Variants in NAA11 observed in about 807,000 individuals in gnomAD.
The protein encoded by NAA11 is N-alpha-acetyltransferase 11.
Under a neutral mutation model 16.1 loss-of-function variants are expected in NAA11, and 15 were observed. The observed-to-expected ratio is 0.93, with a 90% CI of 0.62 to 1.44. The LOEUF (loss-of-function observed/expected upper bound fraction) is 1.44. Ranked by LOEUF, NAA11 falls within the 40% of genes most tolerant of loss-of-function variation. The probability of loss-of-function intolerance (pLI) is 0.00; values close to 1 mark genes in which losing one functional copy is unlikely to be tolerated. For missense variants in NAA11, 298 were observed against 291.3 expected (o/e 1.02, Z -0.17); for synonymous variants, 122 against 112.4 (o/e 1.09, Z -0.54).
intron 2 of NAA11, among the ~76,000 whole-genome samples, chr4:79,235,693 A>G (rs1403309958): frequency 6.6e-6 from 1 of 152,084 alleles, no homozygotes; most frequent in Non-Finnish European, 1.5e-5. Flanking sequence ...TGTTTGGAAA[A>G]CCTTAAGTGT....
At chr4:79,177,140 G>A in the NAA11 span, among the ~76,000 whole-genome samples, 1 of 151,404 alleles carries the variant, frequency 6.6e-6, no homozygotes, top group East Asian at 1.9e-4. Flanking sequence ...GTATATGTGT[G>A]TGTCTGTGTG....
chr4:79,261,860 C>A (rs564941143), intron 2 of NAA11, among the ~76,000 whole-genome samples: 1 of 152,224 alleles, frequency 6.6e-6, no homozygotes, highest in African/African-American at 2.4e-5. Flanking sequence ...TTATATACTC[C>A]TTTTGAAGAG....
chr4:79,287,659 A>ATG (rs1722972582), intron 2 of NAA11, among the ~76,000 whole-genome samples: 1 of 151,392 alleles, frequency 6.6e-6, no homozygotes, highest in African/African-American at 2.4e-5. Flanking sequence ...AATGACTGGC[A>ATG]TGTGTGTGTG....
At chr4:79,248,870 G>A (rs1003219255) in intron 2 of NAA11, among the ~76,000 whole-genome samples, 4 of 152,110 alleles carry the variant, frequency 2.6e-5, no homozygotes, top group Non-Finnish European at 4.4e-5. Flanking sequence ...CATGCACTCC[G>A]CCATGCTGCC....
the NAA11 span, among the ~76,000 whole-genome samples, chr4:79,157,828 C>A: frequency 6.6e-6 from 1 of 151,538 alleles, no homozygotes; most frequent in African/African-American, 2.4e-5. Flanking sequence ...CCAGAGCAAT[C>A]ACACAAGAGA....
At chr4:79,165,806 C>T in the NAA11 span, among the ~76,000 whole-genome samples, 1 of 152,116 alleles carries the variant, frequency 6.6e-6, no homozygotes, top group Non-Finnish European at 1.5e-5. Flanking sequence ...ATTGACTTGG[C>T]TGTGATTTTA....
At chr4:79,220,408 A>G in the NAA11 span, among the ~76,000 whole-genome samples, 3 of 150,078 alleles carry the variant, frequency 2.0e-5, no homozygotes, top group East Asian at 2.0e-4. Context: ...TGACTTTTCA[A>G]TGGAATAGGT....
chr4:79,314,266 AC>A (rs1414316075), downstream of NAA11, among the ~76,000 whole-genome samples: 1 of 152,214 alleles, frequency 6.6e-6, no homozygotes, highest in Non-Finnish European at 1.5e-5. Flanking sequence ...TTTATAATAA[AC>A]AAAATTTTGT....
chr4:79,208,020 G>T, the NAA11 span, among the ~76,000 whole-genome samples: 1 of 152,032 alleles, frequency 6.6e-6, no homozygotes, highest in African/African-American at 2.4e-5. Context: ...TGTAAGCATG[G>T]CATATTAATA....
chr4:79,267,599 A>C (rs775499702), intron 2 of NAA11, among the ~76,000 whole-genome samples: 2 of 152,156 alleles, frequency 1.3e-5, no homozygotes, highest in Non-Finnish European at 2.9e-5. Context: ...TCATAACTGC[A>C]AATACAAGTC....
At chr4:79,293,449 T>C (rs1423114062) in intron 2 of NAA11, among the ~76,000 whole-genome samples, 1 of 152,192 alleles carries the variant, frequency 6.6e-6, no homozygotes, top group Non-Finnish European at 1.5e-5. Flanking sequence ...GACACTGCTC[T>C]AAAAACTTTA....
chr4:79,224,655 C>G (rs898613945), downstream of NAA11, among the ~76,000 whole-genome samples: 3 of 151,960 alleles, frequency 2.0e-5, no homozygotes, highest in Non-Finnish European at 4.4e-5. Context: ...GAAGTGAGTG[C>G]TCCAGAGAGA....
At chr4:79,318,938 G>C (rs1724010645) in intron 1 of NAA11, among the ~76,000 whole-genome samples, 1 of 151,770 alleles carries the variant, frequency 6.6e-6, no homozygotes, top group Non-Finnish European at 1.5e-5. Flanking sequence ...CTTTTTTTGA[G>C]ACAGGGTCTT....
At chr4:79,167,982 A>G in the NAA11 span, among the ~76,000 whole-genome samples, 1 of 152,116 alleles carries the variant, frequency 6.6e-6, no homozygotes, top group Non-Finnish European at 1.5e-5. Context: ...TTAACCCATC[A>G]TCTACATTAG....
At chr4:79,160,256 T>C in the NAA11 span, among the ~76,000 whole-genome samples, 1 of 152,204 alleles carries the variant, frequency 6.6e-6, no homozygotes, top group Admixed American at 6.5e-5. Context: ...CCTCCCAAAG[T>C]GTTGGGATTA....
chr4:79,268,749 G>C (rs1722409068), intron 2 of NAA11, among the ~76,000 whole-genome samples: 1 of 151,592 alleles, frequency 6.6e-6, no homozygotes, highest in Non-Finnish European at 1.5e-5. Flanking sequence ...TGTGCACATT[G>C]TGCAAGTTAG....
the NAA11 span, among the ~76,000 whole-genome samples, chr4:79,162,471 T>C: frequency 2.6e-5 from 4 of 152,202 alleles, no homozygotes; most frequent in African/African-American, 7.2e-5. Context: ...GCTGCACTCA[T>C]GGTGATTAGT....
chr4:79,156,962 A>G, the NAA11 span, among the ~76,000 whole-genome samples: 1 of 152,234 alleles, frequency 6.6e-6, no homozygotes, highest in African/African-American at 2.4e-5. Context: ...AGTCTATTGA[A>G]CAGGACTCAC....
At chr4:79,315,026 C>CT (rs1178912056), downstream of NAA11, among the ~76,000 whole-genome samples, 1 of 151,926 alleles carries the variant, frequency 6.6e-6, no homozygotes, top group African/African-American at 2.4e-5. Flanking sequence ...AGGGTCTAAT[C>CT]TATTATTAAA....
Sources: gnomAD v4.1 joint callset for allele counts (sites outside exome capture counted in the v4.1 genomes callset) on GRCh38, gnomAD v4.1.1 for gene constraint, MANE v1.5 for transcripts, NCBI Gene and HGNC (gene_info 2026-07-23, HGNC 2026-07-21) for gene names.